Variants in KCNQ2 observed in about 807,000 individuals in gnomAD.
KCNQ2 encodes potassium voltage-gated channel subfamily Q member 2, also known as potassium voltage-gated channel subfamily KQT member 2.
Under a neutral mutation model 84.8 loss-of-function variants are expected in KCNQ2, and 14 were observed. The observed-to-expected ratio is 0.17, with a 90% CI of 0.11 to 0.26. The LOEUF (loss-of-function observed/expected upper bound fraction) is 0.26, where lower values mean the gene tolerates loss of function less well. KCNQ2 is among the 10% of genes least tolerant of loss of function. KCNQ2 has a pLI of 1.00. For missense variants in KCNQ2, 788 were observed against 1,254.0 expected, an observed-to-expected ratio of 0.63 and a Z score of 5.61; for synonymous variants, 599 against 554.1, an observed-to-expected ratio of 1.08 and a Z score of -1.14.
At position 63,406,359 on chromosome 20, in the gene KCNQ2, C is replaced by T. The variant is rs532446691; in HGVS notation, c.*285G>A. 4.4e-5 allele frequency: 19 copies of T among 427,756 alleles called. No individual in the cohort carries two copies. The highest frequency in any genetic ancestry group is 2.3e-4 in the Admixed American group (6 of 25,796). 26.5% of individuals were successfully genotyped at this position (427,756 alleles called of 1,614,324 possible). A position where few individuals can be genotyped will look rare whatever the true frequency, so the allele number is the denominator to read the frequency against. The stretch of plus-strand genomic sequence containing the variant: ...GCCCCTCCTCACACCGGGCTGATGT[C>T]GGCCGCGGCCCTGAGCAGAGTGGAC... On this transcript the variant is annotated 3_prime_UTR_variant, in exon 17 of 17. Coordinates refer to ENST00000359125, the MANE Select transcript of KCNQ2 (RefSeq NM_172107.4).
chr20:63,416,531 A>G (rs1220443535), intron 12 of KCNQ2, among the ~76,000 whole-genome samples: 1 of 152,156 alleles, frequency 6.6e-6, no homozygotes, highest in East Asian at 1.9e-4. Flanking sequence ...CTTAGCAGCC[A>G]CGGAACTTCT....
chr20:63,413,959 T>G (rs1372819712), intron 14 of KCNQ2, 129 bp downstream of exon 14: 7 of 743,700 alleles, frequency 9.4e-6, no homozygotes, highest in Non-Finnish European at 1.7e-5. Context: ...GTCTTAGCCC[T>G]TTCTTTTCCC....
At position 63,472,335 on chromosome 20, in the gene KCNQ2, G is replaced by A. The variant is rs1317748215; in HGVS notation, c.129C>T (p.Ala43=). ...TGCCGCGCTTGGGGGCCTCGGAGCC[G>A]GCGATCAGCAGCGCCCCGTCCCGGG... The part of the protein sequence containing the change: ...DSTRDGALLI[A]GSEAPKRGSI... The change falls in exon 1 of 17, where the codon GCC becomes GCT. Residue 43 remains alanine (A), a synonymous_variant. Transcript: ENST00000359125. 4 of 1,537,222 alleles carry A rather than the reference G, an allele frequency of 2.6e-6. No individual in the cohort carries two copies. The highest frequency in any genetic ancestry group is 3.5e-6 in the Non-Finnish European group (4 of 1,142,506).
Position 63,408,424 on chromosome 20 carries a change from C to T in KCNQ2, c.1876G>A (p.Val626Met). The change falls in exon 16 of 17, where the codon GTG (valine) becomes ATG (methionine). Residue 626 changes from valine (V) to methionine (M), a missense_variant. By Grantham distance (21) the Val-to-Met change is conservative. Around this residue, in one of 8 missense-constraint regions of KCNQ2, gnomAD observed 378 missense variants for 434.5 expected, o/e 0.87. Transcript: ENST00000359125. This position sits in a 1 kb window ranked among gnomAD's most constrained non-coding sequence, Gnocchi z 5.0. ...CCAGCCTCTCGCACCTGCTTCTCCA[C>T]CTTCCCGAGCCGTCCCATCATGCTG... ...DPSMMGRLGK[V>M]EKQVLSMEKK... is the part of the protein sequence containing the mutation. The T allele has an allele frequency of 6.2e-7, 1 of 1,608,704 alleles. No homozygotes were observed. Among genetic ancestry groups the T allele is most frequent in the Non-Finnish European group, 8.5e-7 (1 of 1,179,186 alleles).
intron 10 of KCNQ2, 133 bp from the exon 11 acceptor site, chr20:63,424,339 G>T: frequency 9.2e-7 from 1 of 1,090,488 alleles, no homozygotes; most frequent in Non-Finnish European, 1.4e-6. Flanking sequence ...AGGCTGGGCA[G>T]GGGTGGAGCT....
intron 9 of KCNQ2, among the ~76,000 whole-genome samples, chr20:63,428,893 G>A (rs1447610920): frequency 1.3e-5 from 2 of 152,132 alleles, no homozygotes; most frequent in East Asian, 1.9e-4. Flanking sequence ...GGGAGGTGGG[G>A]ATACAGAAAA....
chr20:63,431,337 T>C lies in KCNQ2; in HGVS notation c.1148+3A>G. On this transcript the variant is annotated splice_donor_region_variant and intron_variant, in intron 9 of 16. Transcript: ENST00000359125. ...ACAGGGCTTCTGTCCATGCATTTCC[T>C]ACCTGGAGGCCCCGTAGGTTTGAGT... 1 of 1,613,596 alleles carries C rather than the reference T, an allele frequency of 6.2e-7. No homozygotes were observed. Among genetic ancestry groups the C allele is most frequent in the Non-Finnish European group, 8.5e-7 (1 of 1,179,814 alleles).
At chr20:63,443,238 ACCACCATCACATCACCATCG>A (rs1357045268) in intron 4 of KCNQ2, among the ~76,000 whole-genome samples, 3 of 70,280 alleles carry the variant, frequency 4.3e-5, no homozygotes, top group African/African-American at 1.2e-4. Context: ...CATCACCATC[ACCACCATCACATCACCATCG>A]CCACCATCAT....
chr20:63,418,928 G>C (rs1233873390), intron 12 of KCNQ2, among the ~76,000 whole-genome samples: 2 of 152,230 alleles, frequency 1.3e-5, no homozygotes, highest in African/African-American at 4.8e-5. Context: ...AGCCCCACAG[G>C]AGCACGACAC....
intron 8 of KCNQ2, among the ~76,000 whole-genome samples, chr20:63,432,529 G>C (rs1195572239): frequency 6.9e-6 from 1 of 144,652 alleles, no homozygotes; most frequent in East Asian, 2.2e-4. Flanking sequence ...CACAGGGAAG[G>C]CTCCACCCTC....
intron 12 of KCNQ2, 40 bp downstream of exon 12, chr20:63,419,579 G>A (rs1216864231): frequency 6.9e-6 from 11 of 1,583,852 alleles, no homozygotes; most frequent in South Asian, 4.6e-5. Flanking sequence ...CAGAGGAGCC[G>A]TGCAGCAGCC....
intron 1 of KCNQ2, chr20:63,471,123 G>C (rs1382281343): frequency 3.3e-5 from 5 of 152,336 alleles, no homozygotes; most frequent in African/African-American, 9.6e-5. Flanking sequence ...CCAGGTGGGC[G>C]CCCGACCAGC....
intron 5 of KCNQ2, among the ~76,000 whole-genome samples, chr20:63,442,092 A>G (rs961346076): frequency 1.3e-5 from 2 of 152,154 alleles, no homozygotes; most frequent in Non-Finnish European, 2.9e-5. Context: ...CTTTCCCCCA[A>G]TAATCGGGAC....
In KCNQ2 at chr20:63,472,556, G is replaced by A. The variant is rs2082244292; in HGVS notation, c.-93C>T. 5.3e-6 allele frequency: 6 copies of A among 1,135,352 alleles called. No homozygotes were observed. Among genetic ancestry groups the A allele is most frequent in the South Asian group, 4.0e-5 (1 of 24,824 alleles). 70.3% of individuals were successfully genotyped at this position (1,135,352 alleles called of 1,614,324 possible). On this transcript the variant is annotated 5_prime_UTR_variant, in exon 1 of 17. Transcript: ENST00000359125. ...GGGCCCCAGCCCAGGCCCCCCGGCC[G>A]GGAGCCGCATGGCCGAGGCGGCGGT... is the stretch of plus-strand genomic sequence containing the variant.
chr20:63,443,716 G>A (rs1427100127), intron 4 of KCNQ2: 1 of 152,274 alleles, frequency 6.6e-6, no homozygotes, highest in East Asian at 1.9e-4. Context: ...CGTCTCCTGA[G>A]GCCAGCAGAG....
intron 11 of KCNQ2, 25 bp downstream of exon 11, chr20:63,424,152 C>G (rs773693891): frequency 4.5e-6 from 7 of 1,554,040 alleles, no homozygotes; most frequent in East Asian, 2.4e-5. Flanking sequence ...CGGCAGACAC[C>G]AGGGTAGCAG....
At chr20:63,449,543 T>C (rs1384740539) in intron 1 of KCNQ2, among the ~76,000 whole-genome samples, 13 of 152,104 alleles carry the variant, frequency 8.5e-5, no homozygotes, top group Non-Finnish European at 1.6e-4. Flanking sequence ...TCTGGAGGGT[T>C]TGGGGAGCAG....
intron 15 of KCNQ2, among the ~76,000 whole-genome samples, chr20:63,413,098 C>T (rs922139713): frequency 6.6e-6 from 1 of 152,156 alleles, no homozygotes; most frequent in African/African-American, 2.4e-5. Context: ...GCATACATGG[C>T]AGAGCAGAGC....
At chr20:63,419,587 G>A in intron 12 of KCNQ2, 32 bp downstream of exon 12, 1 of 1,596,122 alleles carries the variant, frequency 6.3e-7, no homozygotes. Context: ...CCGTGCAGCA[G>A]CCGTCAGTCC....
Sources: allele counts gnomAD v4.1 joint callset (sites outside exome capture counted in the v4.1 genomes callset), GRCh38; gene constraint gnomAD v4.1.1; regional missense constraint gnomAD v4.1.1; non-coding constraint Gnocchi (gnomAD v3.1); transcripts MANE v1.5; gene names NCBI Gene and HGNC (gene_info 2026-07-23, HGNC 2026-07-21).